Variants in CYP3A4 observed in about 807,000 individuals in gnomAD.
CYP3A4 encodes the protein cytochrome P450 3A4.
A neutral mutation model predicts 54.9 loss-of-function variants in CYP3A4; 41 were observed. That is an observed-to-expected ratio of 0.75 (90% CI 0.58 to 0.97). CYP3A4 has a LOEUF of 0.97. Among genes scored for constraint, CYP3A4 ranks in the 50% least tolerant of loss-of-function variants. The probability of loss-of-function intolerance (pLI) is 0.00; values close to 1 mark genes in which losing one functional copy is unlikely to be tolerated. For missense variants in CYP3A4, 510 were observed against 597.3 expected, an observed-to-expected ratio of 0.85 and a Z score of 1.52; for synonymous variants, 179 against 205.2, an observed-to-expected ratio of 0.87 and a Z score of 1.09.
intron 9 of CYP3A4, among the ~76,000 whole-genome samples, chr7:99,765,378 T>C (rs1815447985): frequency 6.6e-6 from 1 of 152,112 alleles, no homozygotes; most frequent in African/African-American, 2.4e-5. Context: ...GCAAGTTATA[T>C]TGGGATAGAT....
intron 3 of CYP3A4, 22 bp downstream of exon 3, chr7:99,778,006 T>A: frequency 6.2e-7 from 1 of 1,602,110 alleles, no homozygotes; most frequent in South Asian, 1.1e-5. Flanking sequence ...GTCTATCCAA[T>A]GGAAGTTTCC....
chr7:99,766,280 G>C, intron 9 of CYP3A4, 97 bp downstream of exon 9: 1 of 1,456,102 alleles, frequency 6.9e-7, no homozygotes, highest in Non-Finnish European at 9.5e-7. Context: ...CTATGTGGCA[G>C]AAATTCTCAT....
chr7:99,764,598 T>C (rs796943981), intron 9 of CYP3A4, among the ~76,000 whole-genome samples: 10 of 152,274 alleles, frequency 6.6e-5, no homozygotes, highest in African/African-American at 2.2e-4. Context: ...TGAGAGCTCA[T>C]TAGAAATGCA....
intron 12 of CYP3A4, among the ~76,000 whole-genome samples, chr7:99,758,814 A>C (rs28988601): frequency 0.018 from 2,687 of 152,276 alleles, 37 homozygotes; most frequent in Admixed American, 0.023. Context: ...ACCTTCAGGA[A>C]GCATTACCAT....
intron 4 of CYP3A4, among the ~76,000 whole-genome samples, chr7:99,771,858 C>T (rs1250802492): frequency 2.6e-5 from 4 of 151,976 alleles, no homozygotes; most frequent in African/African-American, 7.3e-5. Flanking sequence ...CCAAAAATGG[C>T]GTTGGAGGAA....
intron 1 of CYP3A4, among the ~76,000 whole-genome samples, chr7:99,783,804 T>TCAC (rs1211725053): frequency 1.3e-5 from 2 of 152,116 alleles, no homozygotes; most frequent in Non-Finnish European, 1.5e-5. Context: ...AGACAGAGTT[T>TCAC]CACCATGTTA....
At chr7:99,762,755 T>C (rs1305833928) in intron 10 of CYP3A4, among the ~76,000 whole-genome samples, 3 of 152,118 alleles carry the variant, frequency 2.0e-5, no homozygotes, top group African/African-American at 7.2e-5. Flanking sequence ...GAGAACACGA[T>C]TTCAGTGCTA....
At position 99,757,462 on chromosome 7, in the gene CYP3A4, G is replaced by C. The variant is rs1815204681; in HGVS notation, c.*671C>G. 6.6e-6 allele frequency: 1 copy of C among 152,572 alleles called. No individual in the cohort carries two copies. Among genetic ancestry groups the C allele is most frequent in the Non-Finnish European group, 1.5e-5 (1 of 68,388 alleles). 9.5% of individuals were successfully genotyped at this position (152,572 alleles called of 1,614,324 possible). A position where few individuals can be genotyped will look rare whatever the true frequency, so the allele number is the denominator to read the frequency against. On this transcript the variant is annotated 3_prime_UTR_variant, in exon 13 of 13. Transcript: ENST00000651514. ...TAGGATTACAGGCGTGAGCCACTGTGCCTGATCAAAAAAGGCATAATTAAA... is the reference window on the plus strand; with the variant it reads ...TAGGATTACAGGCGTGAGCCACTGTCCCTGATCAAAAAAGGCATAATTAAA...
In CYP3A4 at chr7:99,778,016, C is replaced by T. The variant is rs1307330142; in HGVS notation, c.218+12G>A. On this transcript the variant is annotated intron_variant, in intron 3 of 12. Coordinates refer to ENST00000651514, the MANE Select transcript of CYP3A4 (RefSeq NM_017460.6). ...AACAAGTCTATCCAATGGAAGTTTC[C>T]AGAATACTCACCCCCACACTTTTCC... 1 of 1,610,454 alleles carries T rather than the reference C, an allele frequency of 6.2e-7. No individual in the cohort carries two copies.
intron 5 of CYP3A4, 98 bp from the exon 6 acceptor site, chr7:99,769,954 A>T: frequency 6.3e-7 from 1 of 1,593,628 alleles, no homozygotes; most frequent in Non-Finnish European, 8.6e-7. Context: ...GTGACATTTT[A>T]TAATGAATTT....
intron 3 of CYP3A4, among the ~76,000 whole-genome samples, chr7:99,777,614 ACTACAAG>A (rs963067116): frequency 1.3e-5 from 2 of 151,996 alleles, no homozygotes; most frequent in African/African-American, 4.8e-5. Flanking sequence ...ACTCCGCAAA[ACTACAAG>A]CTTGCACAAA....
At chr7:99,761,503 C>T (rs1030007437) in intron 11 of CYP3A4, among the ~76,000 whole-genome samples, 5 of 151,942 alleles carry the variant, frequency 3.3e-5, no homozygotes, top group Admixed American at 3.3e-4. Context: ...TTCTTCTCTC[C>T]ATCTCTCCCT....
In CYP3A4 at chr7:99,767,260, T is replaced by G; in HGVS notation, c.671-2A>C. 6.4e-7 allele frequency: 1 copy of G among 1,569,386 alleles called. No homozygotes were observed. The highest frequency in any genetic ancestry group is 8.6e-7 in the Non-Finnish European group (1 of 1,165,336). On this transcript the variant is annotated splice_acceptor_variant, in intron 7 of 12. Transcript: ENST00000651514. LOFTEE classifies it high-confidence loss of function. ...TTGGGATGAGGAATGGAAAGACTGCTGTAGGAAAAACAAAACAAAAACAGA... is the reference window on the plus strand; with the variant it reads ...TTGGGATGAGGAATGGAAAGACTGCGGTAGGAAAAACAAAACAAAAACAGA...
In CYP3A4 at chr7:99,758,025, G is replaced by T; in HGVS notation, c.*108C>A. ...CCCCGGTTATTTATGCAGTCCATTG[G>T]ATGAAGCCCATCTTCATTTCAGAGT... On this transcript the variant is annotated 3_prime_UTR_variant, in exon 13 of 13. Transcript: ENST00000651514. The T allele has an allele frequency of 1.1e-6, 1 of 881,604 alleles. No homozygotes were observed. The highest frequency in any genetic ancestry group is 1.9e-6 in the Non-Finnish European group (1 of 531,700). The allele number at this position is 881,604 out of a possible 1,614,324, so 54.6% of individuals were successfully genotyped here.
At chr7:99,781,940 TA>T (rs1235624056) in intron 1 of CYP3A4, among the ~76,000 whole-genome samples, 3 of 152,294 alleles carry the variant, frequency 2.0e-5, no homozygotes, top group Admixed American at 6.5e-5. Flanking sequence ...TAATATGTGG[TA>T]AAATACAACT....
At chr7:99,782,177 A>G (rs1368707325) in intron 1 of CYP3A4, among the ~76,000 whole-genome samples, 9 of 152,242 alleles carry the variant, frequency 5.9e-5, no homozygotes, top group African/African-American at 1.7e-4. Context: ...TACAAGTTAC[A>G]TGACCTCTCA....
At chr7:99,769,645 A>G (rs1424289800) in intron 6 of CYP3A4, 123 bp downstream of exon 6, 11 of 1,059,942 alleles carry the variant, frequency 1.0e-5, no homozygotes, top group East Asian at 5.0e-5. Flanking sequence ...TTGAAGTTGC[A>G]TTACCACAGC....
At chr7:99,767,861 C>T (rs1303687897) in intron 7 of CYP3A4, among the ~76,000 whole-genome samples, 1 of 152,076 alleles carries the variant, frequency 6.6e-6, no homozygotes, top group Non-Finnish European at 1.5e-5. Context: ...AAAGGAAGTG[C>T]TCAGAGGGAA....
Position 99,762,190 on chromosome 7 carries a change from T to C in CYP3A4, c.1104A>G (p.Pro368=), listed in dbSNP as rs1195966080. The change falls in exon 11 of 13, where the codon CCA becomes CCG. Residue 368 remains proline, a synonymous_variant. Coordinates refer to ENST00000651514, the MANE Select transcript of CYP3A4 (RefSeq NM_017460.6). ...AGACCCTCTCAAGTCTCATAGCAAT[T>C]GGGAATAATCTGAGCGTTTCATTCA... is the stretch of plus-strand genomic sequence containing the variant. ...MVVNETLRLF[P]IAMRLERVCK... is the part of the protein sequence containing the mutation. The C allele has an allele frequency of 6.2e-7, 1 of 1,614,056 alleles. No individual in the cohort carries two copies. Among genetic ancestry groups the C allele is most frequent in the Non-Finnish European group, 8.5e-7 (1 of 1,179,980 alleles).
Sources: gnomAD v4.1 joint callset for allele counts (sites outside exome capture counted in the v4.1 genomes callset) on GRCh38, gnomAD v4.1.1 for gene constraint, MANE v1.5 for transcripts, NCBI Gene and HGNC (gene_info 2026-07-23, HGNC 2026-07-21) for gene names.